SMURF1: variants seen among roughly 807,000 people sequenced by gnomAD.
SMURF1 encodes SMAD specific E3 ubiquitin protein ligase 1.
A neutral mutation model predicts 98.0 loss-of-function variants in SMURF1; 44 were observed. The observed-to-expected ratio is 0.45, with a 90% CI of 0.35 to 0.58. The LOEUF is 0.58. Ranked by LOEUF, SMURF1 falls within the 20% of genes least tolerant of loss-of-function variation. SMURF1 has a pLI of 0.00. For synonymous variants in SMURF1, 396 were observed against 374.9 expected (o/e 1.06, Z -0.65); for missense variants, 687 against 938.4 (o/e 0.73, Z 3.50).
chr7:99,045,285 ACACAAATGCAATTTACATG>A (rs1487885180), intron 11 of SMURF1, among the ~76,000 whole-genome samples: 2 of 152,338 alleles, frequency 1.3e-5, no homozygotes, highest in East Asian at 1.9e-4. Context: ...AATTCCTTTG[ACACAAATGCAATTTACATG>A]CACAAATGCA....
At chr7:99,074,118 C>T (rs1366838057) in intron 1 of SMURF1, among the ~76,000 whole-genome samples, 1 of 152,154 alleles carries the variant, frequency 6.6e-6, no homozygotes, top group Non-Finnish European at 1.5e-5. Flanking sequence ...TACAATGCCA[C>T]TTATATAAAG....
chr7:99,054,934 T>C (rs897001874), intron 5 of SMURF1, 69 bp from the exon 6 acceptor site: 2 of 1,376,206 alleles, frequency 1.5e-6, no homozygotes, highest in Non-Finnish European at 2.1e-6. Context: ...CAGTGAGTCA[T>C]TGCTAATTTA....
In SMURF1 at chr7:99,064,038, T is replaced by C. The variant is rs79865687; in HGVS notation, c.56-2201A>G. 1.6e-3 allele frequency among the ~76,000 whole-genome samples: 240 copies of C among 152,350 alleles called. 6 individuals are homozygous for C. In the East Asian group the frequency reaches 0.043, roughly 27 times the overall value. On this transcript the variant is annotated intron_variant, in intron 1 of 17. Coordinates refer to ENST00000361368, the MANE Select transcript of SMURF1 (RefSeq NM_181349.3). Reference sequence around the variant, plus strand: ...ATGTGTTGAGATGCTGTTTTGGTGTTTGGCCTTTGTCTATTGATACGGTGC... The same window carrying C: ...ATGTGTTGAGATGCTGTTTTGGTGTCTGGCCTTTGTCTATTGATACGGTGC...
chr7:99,039,778 C>CT (rs1335255414), intron 13 of SMURF1, among the ~76,000 whole-genome samples: 1 of 152,218 alleles, frequency 6.6e-6, no homozygotes, highest in African/African-American at 2.4e-5. Flanking sequence ...TTCCCTCCAT[C>CT]TGTCAGAGCC....
At chr7:99,097,790 C>A (rs1284003176) in intron 1 of SMURF1, among the ~76,000 whole-genome samples, 1 of 152,200 alleles carries the variant, frequency 6.6e-6, no homozygotes, top group South Asian at 2.1e-4. Flanking sequence ...GGTTACTTCA[C>A]AGTGAAACTG....
At chr7:99,063,836 G>C (rs1210124232) in intron 1 of SMURF1, among the ~76,000 whole-genome samples, 2 of 151,364 alleles carry the variant, frequency 1.3e-5, no homozygotes, top group African/African-American at 2.4e-5. Context: ...GAGTGCAGTG[G>C]CATGATCATA....
intron 1 of SMURF1, among the ~76,000 whole-genome samples, chr7:99,063,241 T>TTTTATATA (rs1796084918): frequency 2.9e-5 from 1 of 34,902 alleles, no homozygotes; most frequent in Non-Finnish European, 5.2e-5. Context: ...TAAGATTTAT[T>TTTTATATA]TATATATATA....
intron 1 of SMURF1, among the ~76,000 whole-genome samples, chr7:99,072,579 G>A (rs1796352235): frequency 6.6e-6 from 1 of 152,174 alleles, no homozygotes; most frequent in African/African-American, 2.4e-5. Flanking sequence ...GGGGACGAAG[G>A]CTGCAGTGAG....
At chr7:99,033,263 TC>T in intron 16 of SMURF1, 142 bp from the exon 17 acceptor site, 1 of 752,254 alleles carries the variant, frequency 1.3e-6, no homozygotes, top group Non-Finnish European at 2.2e-6. Context: ...GCCATGAGGT[TC>T]CCAGGCCTGG....
At chr7:99,063,837 CATG>C (rs1038070242) in intron 1 of SMURF1, among the ~76,000 whole-genome samples, 1 of 150,500 alleles carries the variant, frequency 6.6e-6, no homozygotes, top group Non-Finnish European at 1.5e-5. Context: ...AGTGCAGTGG[CATG>C]ATCATAGCTC....
rs963245727 is a variant in SMURF1 at position 99,126,349 on chromosome 7, T to C, written c.55+17377A>G. Reference sequence around the variant, plus strand: ...ATACTTTTCAATAAGCATATATTCCTTTTTTTTTTTTTTTAATTATGGGCT... The same window carrying C: ...ATACTTTTCAATAAGCATATATTCCCTTTTTTTTTTTTTTAATTATGGGCT... On this transcript the variant is annotated intron_variant, in intron 1 of 17. Coordinates refer to ENST00000361368, the MANE Select transcript of SMURF1 (RefSeq NM_181349.3). Among the ~76,000 whole-genome samples, 13 of 137,256 alleles carry C rather than the reference T, an allele frequency of 9.5e-5. No homozygotes were observed. The East Asian group carries it at 2.4e-3, about 26-fold the overall frequency. 90.0% of individuals were successfully genotyped at this position (137,256 alleles called of 152,430 possible). A position where few individuals can be genotyped will look rare whatever the true frequency, so the allele number is the denominator to read the frequency against.
chr7:99,061,891 T>C, intron 1 of SMURF1, 54 bp from the exon 2 acceptor site: 2 of 1,336,966 alleles, frequency 1.5e-6, no homozygotes, highest in Non-Finnish European at 2.1e-6. Context: ...ATTTCCATAA[T>C]AGCTAATCTA....
chr7:99,080,519 G>C (rs1378251618), intron 1 of SMURF1, among the ~76,000 whole-genome samples: 3 of 152,108 alleles, frequency 2.0e-5, no homozygotes, highest in African/African-American at 2.4e-5. Flanking sequence ...GGCTGGTCTT[G>C]AACTCCCAAC....
intron 11 of SMURF1, among the ~76,000 whole-genome samples, chr7:99,043,714 C>T (rs902962606): frequency 6.6e-6 from 1 of 152,176 alleles, no homozygotes; most frequent in Non-Finnish European, 1.5e-5. Flanking sequence ...AGGTGCTGTT[C>T]TAGGAACCGG....
chr7:99,081,517 C>G (rs1395830043), intron 1 of SMURF1: 2 of 152,224 alleles, frequency 1.3e-5, no homozygotes, highest in Non-Finnish European at 2.9e-5. Flanking sequence ...CCACATCAGA[C>G]AGGAACTCTA....
chr7:99,061,605 T>G (rs1301884485), intron 2 of SMURF1, among the ~76,000 whole-genome samples, 194 bp downstream of exon 2: 1 of 152,240 alleles, frequency 6.6e-6, no homozygotes, highest in Non-Finnish European at 1.5e-5. Flanking sequence ...GTATGATTTA[T>G]AAGTTCTGTA....
At chr7:99,120,704 C>T (rs753689485) in intron 1 of SMURF1, 2 of 150,930 alleles carry the variant, frequency 1.3e-5, no homozygotes, top group Admixed American at 6.6e-5. Flanking sequence ...AAGTATTCCA[C>T]GAAACCTCTG....
intron 1 of SMURF1, among the ~76,000 whole-genome samples, chr7:99,067,920 C>T (rs975736610): frequency 1.3e-5 from 2 of 152,172 alleles, no homozygotes; most frequent in African/African-American, 4.8e-5. Context: ...CGCCACTGCA[C>T]TCCAGCCTGG....
intron 1 of SMURF1, among the ~76,000 whole-genome samples, chr7:99,106,605 C>T (rs1327452471): frequency 6.6e-6 from 1 of 152,208 alleles, no homozygotes; most frequent in Admixed American, 6.5e-5. Context: ...GACAGGTGGC[C>T]AGCCTCTGTC....
Sources: allele counts gnomAD v4.1 joint callset (sites outside exome capture counted in the v4.1 genomes callset), GRCh38; gene constraint gnomAD v4.1.1; transcripts MANE v1.5; gene names NCBI Gene and HGNC (gene_info 2026-07-23, HGNC 2026-07-21).